Variants in IFI16 observed in about 807,000 individuals in gnomAD.
IFI16 encodes interferon gamma inducible protein 16, also known as gamma-interferon-inducible protein 16.
Under a neutral mutation model 68.4 loss-of-function variants are expected in IFI16, and 49 were observed. That is an observed-to-expected ratio of 0.72 (90% CI 0.57 to 0.91). The LOEUF (loss-of-function observed/expected upper bound fraction) is 0.91. IFI16 is among the 40% of genes least tolerant of loss of function. The pLI is 0.00. For missense variants in IFI16, 878 were observed against 942.9 expected, an observed-to-expected ratio of 0.93 and a Z score of 0.90; for synonymous variants, 307 against 315.0, an observed-to-expected ratio of 0.97 and a Z score of 0.27.
intron 7 of IFI16, among the ~76,000 whole-genome samples, chr1:159,035,151 C>T (rs887357285): frequency 1.3e-5 from 2 of 152,142 alleles, no homozygotes; most frequent in East Asian, 3.8e-4. Context: ...TTTAAGGATT[C>T]TCTATTTTGA....
At chr1:159,002,229 C>G (rs897951339), upstream of IFI16, among the ~76,000 whole-genome samples, 5 of 152,024 alleles carry the variant, frequency 3.3e-5, no homozygotes, top group Non-Finnish European at 5.9e-5. Flanking sequence ...GAATTCAAGT[C>G]TTCTGAATCC....
Position 159,014,766 on chromosome 1 carries a change from T to G in IFI16, c.86T>G (p.Leu29Arg). The G allele has an allele frequency of 6.2e-7, 1 of 1,612,496 alleles. No individual in the cohort carries two copies. The change falls in exon 2 of 12, where the codon CTG (leucine) becomes CGG (arginine). Residue 29 changes from leucine (L) to arginine (R), a missense_variant. Physicochemically the swap from Leu to Arg is moderately radical, Grantham distance 102. This residue lies in a region of IFI16 where 65 missense variants were observed against 96.9 expected (regional missense o/e 0.67). Coordinates refer to ENST00000295809, the MANE Select transcript of IFI16 (RefSeq NM_001376587.1). ...DYHFRMVKSL[L>R]SNDLKLNLKM... ...CATTTTAGAATGGTTAAGTCCTTAC[T>G]GAGCAACGATTTAAAACTTAATTTA...
chr1:159,022,528 G>C (rs762363623), intron 6 of IFI16, among the ~76,000 whole-genome samples: 3 of 152,080 alleles, frequency 2.0e-5, no homozygotes, highest in Non-Finnish European at 4.4e-5. Flanking sequence ...TATTTGTCCC[G>C]ACTGGCTAGC....
Position 159,053,724 on chromosome 1 carries a change from G to T in IFI16, c.2277G>T (p.Lys759Asn). 1 of 1,610,688 alleles carries T rather than the reference G, an allele frequency of 6.2e-7. No homozygotes were observed. Among genetic ancestry groups the T allele is most frequent in the Non-Finnish European group, 8.5e-7 (1 of 1,177,660 alleles). The change falls in exon 11 of 12, where the codon AAG becomes AAT. Residue 759 changes from lysine (K) to asparagine (N), a missense_variant and splice_region_variant. Coordinates refer to ENST00000295809, the MANE Select transcript of IFI16 (RefSeq NM_001376587.1). ...ELRSVIHSHI[K>N]VIKTRKNKKD... ...GATCTGTAATTCATAGTCACATCAA[G>T]GTTGGAACTTTATAGGAACATCATT...
intron 6 of IFI16, among the ~76,000 whole-genome samples, chr1:159,029,847 A>AT (rs1473933200): frequency 1.3e-5 from 2 of 151,762 alleles, no homozygotes; most frequent in Admixed American, 6.6e-5. Context: ...CGCCCAGCTA[A>AT]TTTTTTGTAT....
upstream of IFI16, chr1:159,008,894 TAC>T (rs1413098965): frequency 6.6e-6 from 1 of 152,194 alleles, no homozygotes; most frequent in Non-Finnish European, 1.5e-5. Flanking sequence ...CCTTGGACAG[TAC>T]ATATTAACAG....
intron 8 of IFI16, 107 bp from the exon 9 acceptor site, chr1:159,049,325 G>A: frequency 1.6e-6 from 1 of 611,212 alleles, no homozygotes; most frequent in East Asian, 2.9e-5. Flanking sequence ...CAGAGAAACT[G>A]GCAAAGTGAA....
chr1:159,034,657 C>T (rs1654211625), intron 7 of IFI16, among the ~76,000 whole-genome samples: 2 of 152,210 alleles, frequency 1.3e-5, no homozygotes, highest in African/African-American at 4.8e-5. Flanking sequence ...GCCTAAATCC[C>T]TTCCTAGAGC....
chr1:159,042,937 G>A (rs1654752659), intron 7 of IFI16, among the ~76,000 whole-genome samples: 1 of 152,128 alleles, frequency 6.6e-6, no homozygotes, highest in Non-Finnish European at 1.5e-5. Context: ...GGGAAATACT[G>A]ACCCATGGCA....
intron 7 of IFI16, among the ~76,000 whole-genome samples, chr1:159,034,509 G>A (rs187896620): frequency 6.5e-4 from 99 of 152,216 alleles, no homozygotes; most frequent in African/African-American, 2.3e-3. Flanking sequence ...CTTTCACTTC[G>A]TTCATGACCA....
intron 10 of IFI16, 35 bp downstream of exon 10, chr1:159,052,133 T>C (rs1557884324): frequency 6.5e-7 from 1 of 1,531,006 alleles, no homozygotes; most frequent in Admixed American, 1.9e-5. Flanking sequence ...AAATTTCTCC[T>C]GCAACCTCCA....
At chr1:159,009,826 G>GA (rs1421370528), upstream of IFI16, 1 of 152,016 alleles carries the variant, frequency 6.6e-6, no homozygotes. Context: ...CCCTTGCCAG[G>GA]AAACTGTTCA....
chr1:159,002,797 T>C (rs552959194), upstream of IFI16, among the ~76,000 whole-genome samples: 1 of 152,290 alleles, frequency 6.6e-6, no homozygotes, highest in South Asian at 2.1e-4. Flanking sequence ...GAATCAACTG[T>C]CTAGGCATCC....
At chr1:159,012,001 G>T (rs1366220320) in intron 1 of IFI16, among the ~76,000 whole-genome samples, 1 of 151,978 alleles carries the variant, frequency 6.6e-6, no homozygotes, top group Non-Finnish European at 1.5e-5. Flanking sequence ...TGTAATTTCT[G>T]TTTCTCTTAT....
chr1:159,021,011 A>G (rs574810517), intron 6 of IFI16, among the ~76,000 whole-genome samples: 2 of 152,292 alleles, frequency 1.3e-5, no homozygotes, highest in East Asian at 1.9e-4. Flanking sequence ...AAGCTCTCCA[A>G]TTTGTTAATT....
chr1:159,003,734 C>T (rs563657897), upstream of IFI16, among the ~76,000 whole-genome samples: 145 of 152,268 alleles, frequency 9.5e-4, 1 homozygote, highest in Admixed American at 9.0e-3. Flanking sequence ...GAGCTCGGCT[C>T]GCTGCAAGCT....
chr1:159,045,682 T>G (rs982079292), intron 8 of IFI16, among the ~76,000 whole-genome samples: 9 of 151,354 alleles, frequency 5.9e-5, no homozygotes, highest in African/African-American at 2.2e-4. Flanking sequence ...TTAGATATCT[T>G]TTTAATTTTA....
rs187529073 is a variant in IFI16, at chr1:159,027,308, A to C, written c.1162-5216A>C. ...GATCCGGTGATTTTTGTTTTTAATT[A>C]TATTTGTGTGGTATATCACATTTAT... On this transcript the variant is annotated intron_variant, in intron 6 of 11. Coordinates refer to ENST00000295809, the MANE Select transcript of IFI16 (RefSeq NM_001376587.1). Among the ~76,000 whole-genome samples the C allele has an allele frequency of 1.9e-3, 282 of 151,984 alleles. 2 individuals carry two copies. The highest frequency in any genetic ancestry group is 5.9e-3 in the African/African-American group (245 of 41,454).
rs3048686 is a variant in IFI16 at position 159,017,605 on chromosome 1, ATTGTTG to A, written c.550-608_550-603del. Among the ~76,000 whole-genome samples the A allele has an allele frequency of 2.2e-3, 336 of 150,170 alleles. 2 individuals are homozygous for A. The highest frequency in any genetic ancestry group is 6.6e-3 in the African/African-American group (268 of 40,462). ...CATTCTAAAATTTATTTATTTATTT[ATTGTTG>A]TTGTTGTTGTTGTTGAGACAGAGTC... On this transcript the variant is annotated intron_variant, in intron 4 of 11. Coordinates refer to ENST00000295809, the MANE Select transcript of IFI16 (RefSeq NM_001376587.1).
Sources: gnomAD v4.1 joint callset for allele counts (sites outside exome capture counted in the v4.1 genomes callset) on GRCh38, gnomAD v4.1.1 for gene constraint, gnomAD v4.1.1 regional missense constraint, MANE v1.5 for transcripts, NCBI Gene and HGNC (gene_info 2026-07-23, HGNC 2026-07-21) for gene names.